The following BCL11B variants were observed in gnomAD, a reference collection of about 807,000 sequenced individuals.
BCL11B encodes the protein BCL11 transcription factor B, also known as B-cell lymphoma/leukemia 11B.
Under a neutral mutation model 49.9 loss-of-function variants are expected in BCL11B, and 8 were observed. The observed-to-expected ratio is 0.16, with a 90% confidence interval of 0.09 to 0.29. BCL11B has a LOEUF of 0.29. BCL11B is among the 10% of genes least tolerant of loss of function. The pLI, the probability that BCL11B is intolerant of heterozygous loss-of-function variation, is 1.00. For missense variants in BCL11B, 1,006 were observed against 1,351.0 expected (o/e 0.74, Z 4.00); for synonymous variants, 739 against 637.4 (o/e 1.16, Z -2.40).
intron 3 of BCL11B, among the ~76,000 whole-genome samples, chr14:99,221,193 C>G (rs547212686): frequency 1.2e-4 from 19 of 152,204 alleles, no homozygotes; most frequent in Admixed American, 2.0e-4. Context: ...ATGTTAATAA[C>G]TGAGTTGGCT....
chr14:99,181,924 A>G (rs1184271749), intron 3 of BCL11B, among the ~76,000 whole-genome samples: 1 of 152,224 alleles, frequency 6.6e-6, no homozygotes, highest in Non-Finnish European at 1.5e-5. Context: ...CCACAGTTCC[A>G]AAATGATCGT....
At position 99,184,395 on chromosome 14, in the gene BCL11B, G is replaced by C. The variant is rs902878122; in HGVS notation, c.641-8200C>G. Among the ~76,000 whole-genome samples the C allele has an allele frequency of 1.3e-5, 2 of 152,206 alleles. No homozygotes were observed. On this transcript the variant is annotated intron_variant, in intron 3 of 3. Coordinates refer to ENST00000357195, the MANE Select transcript of BCL11B (RefSeq NM_138576.4). This position sits in a 1 kb window ranked among gnomAD's most constrained non-coding sequence, Gnocchi z 6.1. ...TTTGTCTTTGACCTTGGTGTGTTCA[G>C]CATGGCTACAGCCTGCACGTGCCAA...
intron 3 of BCL11B, among the ~76,000 whole-genome samples, chr14:99,210,213 C>T (rs551759611): frequency 3.3e-5 from 5 of 152,320 alleles, no homozygotes; most frequent in East Asian, 1.9e-4. Flanking sequence ...ACACATGCTA[C>T]GGACATGCCC....
rs200739087 is a variant in BCL11B at position 99,257,829 on chromosome 14, G to C, written c.69C>G (p.Asp23Glu). The C allele has an allele frequency of 2.6e-6, 4 of 1,536,786 alleles. No individual in the cohort carries two copies. The highest frequency in any genetic ancestry group is 8.8e-7 in the Non-Finnish European group (1 of 1,138,508). The change falls in exon 2 of 4, where the codon GAC (aspartate) becomes GAG (glutamate). Residue 23 changes from aspartate to glutamate, a missense_variant. Around this residue, in one of 6 missense-constraint regions of BCL11B, gnomAD observed 411 missense variants for 542.2 expected, o/e 0.76. Transcript: ENST00000357195. The surrounding 1 kb of genome is among the most constrained non-coding windows in gnomAD (Gnocchi z 6.2). ...CTTCGAGGATGGCGGCCTCCACATG[G>C]TCAGCCTCTGCTGGAGACAGAAAGA... ...SQRELITPEA[D>E]HVEAAILEED...
At chr14:99,261,435 G>A (rs913812172) in intron 1 of BCL11B, among the ~76,000 whole-genome samples, 3 of 152,168 alleles carry the variant, frequency 2.0e-5, no homozygotes, top group East Asian at 3.9e-4. Context: ...GGACACCTGA[G>A]TCTCCCGGCT....
intron 3 of BCL11B, among the ~76,000 whole-genome samples, chr14:99,196,219 C>G (rs775474611): frequency 1.3e-5 from 2 of 152,198 alleles, no homozygotes; most frequent in African/African-American, 4.8e-5. Context: ...CAGCCAAGCC[C>G]TCTTCTCAGG....
At position 99,264,704 on chromosome 14, in the gene BCL11B, G is replaced by A. The variant is rs557255461; in HGVS notation, c.58+6457C>T. The A allele has an allele frequency of 7.2e-5, 11 of 152,254 alleles. No homozygotes were observed. In the South Asian group the frequency reaches 2.3e-3, roughly 32 times the overall value. The allele number at this position is 152,254 out of a possible 1,614,324, so 9.4% of individuals were successfully genotyped here. A position where few individuals can be genotyped will look rare whatever the true frequency, so the allele number is the denominator to read the frequency against. Reference sequence around the variant, plus strand: ...AATGCTGGACCAACATCCCGTGAATGTGGCACCATTCATCAAGCCTCCATC... The same window carrying A: ...AATGCTGGACCAACATCCCGTGAATATGGCACCATTCATCAAGCCTCCATC... On this transcript the variant is annotated intron_variant, in intron 1 of 3. Coordinates refer to ENST00000357195, the MANE Select transcript of BCL11B (RefSeq NM_138576.4).
chr14:99,234,365 C>G (rs1888428358), intron 2 of BCL11B, among the ~76,000 whole-genome samples: 1 of 152,186 alleles, frequency 6.6e-6, no homozygotes, highest in South Asian at 2.1e-4. Context: ...AGGCTACCTC[C>G]CAGCCCCCAT....
chr14:99,183,244 G>A (rs1190667369), intron 3 of BCL11B, among the ~76,000 whole-genome samples: 1 of 152,122 alleles, frequency 6.6e-6, no homozygotes, highest in Non-Finnish European at 1.5e-5. Flanking sequence ...AACTCTACAC[G>A]CAGTGACCAT....
chr14:99,211,548 AGACAT>A (rs1161844135), intron 3 of BCL11B, among the ~76,000 whole-genome samples: 3 of 152,206 alleles, frequency 2.0e-5, no homozygotes, highest in Admixed American at 6.5e-5. Flanking sequence ...GTGTGCACAC[AGACAT>A]ATGTGCACAC....
chr14:99,248,902 G>A lies in BCL11B; in HGVS notation c.427+8569C>T, dbSNP rs1012996927. Among the ~76,000 whole-genome samples the A allele has an allele frequency of 4.6e-5, 7 of 152,172 alleles. No individual in the cohort carries two copies. Among genetic ancestry groups the A allele is most frequent in the Non-Finnish European group, 2.9e-5 (2 of 68,040 alleles). On this transcript the variant is annotated intron_variant, in intron 2 of 3. Coordinates refer to ENST00000357195, the MANE Select transcript of BCL11B (RefSeq NM_138576.4). The surrounding 1 kb of genome is among the most constrained non-coding windows in gnomAD (Gnocchi z 4.7). ...CTGCTCAAGGTCACACAGCATGCCA[G>A]CCACAGTAGGATGCCATCCTAGGTC...
intron 1 of BCL11B, among the ~76,000 whole-genome samples, chr14:99,263,668 T>C (rs1462328758): frequency 1.3e-5 from 2 of 152,184 alleles, no homozygotes; most frequent in Non-Finnish European, 2.9e-5. Context: ...TCAGTTGCTC[T>C]ATGGAGTCCA....
At position 99,231,409 on chromosome 14, in the gene BCL11B, C is replaced by T. The variant is rs988453031; in HGVS notation, c.576G>A (p.Ser192=). 9 of 1,597,322 alleles carry T rather than the reference C, an allele frequency of 5.6e-6. No individual in the cohort carries two copies. The highest frequency in any genetic ancestry group is 4.0e-5 in the African/African-American group (3 of 74,388). The part of the protein sequence containing the change: ...PLPCCSARPV[S]GDGTQGEGQT... ...GACCCTCACCCTGAGTCCCGTCACC[C>T]GAGACCGGGCGCGCGCTGCAGCACG... The change falls in exon 3 of 4, where the codon TCG becomes TCA. Residue 192 remains serine, a synonymous_variant. Transcript: ENST00000357195. The surrounding 1 kb of genome is among the most constrained non-coding windows in gnomAD (Gnocchi z 8.1).
intron 2 of BCL11B, among the ~76,000 whole-genome samples, chr14:99,243,615 C>T (rs955954444): frequency 2.0e-5 from 3 of 152,078 alleles, no homozygotes; most frequent in Admixed American, 2.0e-4. Flanking sequence ...CGAGACTATC[C>T]GACACCACAT....
rs752385859 is a variant in BCL11B at position 99,175,928 on chromosome 14, G to A, written c.908C>T (p.Pro303Leu). The change falls in exon 4 of 4, where the codon CCG becomes CTG. Residue 303 changes from proline to leucine, a missense_variant. Physicochemically the swap from Pro to Leu is moderately conservative, Grantham distance 98. Around this residue, in one of 6 missense-constraint regions of BCL11B, gnomAD observed 411 missense variants for 542.2 expected, o/e 0.76. Transcript: ENST00000357195. ...CGGCAGGCGGCCCTCGCCGAAGCCC[G>A]GGTGGTCCCGCAGGATGGGGCCCGT... ...RMTGPILRDH[P>L]GFGEGRLPGT... is the part of the protein sequence containing the mutation. 2 of 1,446,356 alleles carry A rather than the reference G, an allele frequency of 1.4e-6. No individual in the cohort carries two copies. Among genetic ancestry groups the A allele is most frequent in the South Asian group, 1.5e-5 (1 of 67,834 alleles). The allele number at this position is 1,446,356 out of a possible 1,614,324, so 89.6% of individuals were successfully genotyped here.
At chr14:99,186,919 C>T (rs1197505379) in intron 3 of BCL11B, among the ~76,000 whole-genome samples, 1 of 152,138 alleles carries the variant, frequency 6.6e-6, no homozygotes, top group Admixed American at 6.5e-5. Context: ...AGATCACTAG[C>T]AAGGAAGGTG....
Position 99,241,745 on chromosome 14 carries a change from AC to A in BCL11B, c.428-10189del, listed in dbSNP as rs1044019029. 1.3e-5 allele frequency among the ~76,000 whole-genome samples: 2 copies of A among 152,114 alleles called. No individual in the cohort carries two copies. The highest frequency in any genetic ancestry group is 2.4e-5 in the African/African-American group (1 of 41,414). On this transcript the variant is annotated intron_variant, in intron 2 of 3. Coordinates refer to ENST00000357195, the MANE Select transcript of BCL11B (RefSeq NM_138576.4). The surrounding 1 kb of genome is among the most constrained non-coding windows in gnomAD (Gnocchi z 4.4). ...CTACATCCTAATTTCTTTGAAAAAAACATCAGTGTCACTAAAAAAAACGTCA... is the reference window on the plus strand; with the variant it reads ...CTACATCCTAATTTCTTTGAAAAAAAATCAGTGTCACTAAAAAAAACGTCA...
intron 2 of BCL11B, among the ~76,000 whole-genome samples, chr14:99,251,117 T>C (rs1357301463): frequency 6.6e-6 from 1 of 152,026 alleles, no homozygotes; most frequent in Non-Finnish European, 1.5e-5. Flanking sequence ...GCTACAGGGG[T>C]GGGCACCCTG....
At chr14:99,243,671 C>T (rs897346875) in intron 2 of BCL11B, among the ~76,000 whole-genome samples, 1 of 152,176 alleles carries the variant, frequency 6.6e-6, no homozygotes, top group African/African-American at 2.4e-5. Flanking sequence ...CGGCCCCTGA[C>T]GCTCCAGCAA....
Sources: allele counts gnomAD v4.1 joint callset (sites outside exome capture counted in the v4.1 genomes callset), GRCh38; gene constraint gnomAD v4.1.1; regional missense constraint gnomAD v4.1.1; non-coding constraint Gnocchi (gnomAD v3.1); transcripts MANE v1.5; gene names NCBI Gene and HGNC (gene_info 2026-07-23, HGNC 2026-07-21).